MICAL2: variants seen among roughly 807,000 people sequenced by gnomAD.
The protein encoded by MICAL2 is [F-actin]-monooxygenase MICAL2.
In MICAL2, 77 loss-of-function variants were observed where a neutral mutation model predicts 127.3. The ratio of observed to expected loss-of-function variants is 0.60; its 90% CI spans 0.50 to 0.73. The LOEUF (loss-of-function observed/expected upper bound fraction) is 0.73. MICAL2 is among the 30% of genes least tolerant of loss of function. The pLI is 0.00. For synonymous variants in MICAL2, 570 were observed against 551.1 expected (o/e 1.03, Z -0.48); for missense variants, 1,351 against 1,434.4 (o/e 0.94, Z 0.94).
chr11:12,347,296 A>G (rs555985721), intron 32 of MICAL2, among the ~76,000 whole-genome samples: 1 of 152,178 alleles, frequency 6.6e-6, no homozygotes, highest in African/African-American at 2.4e-5. Context: ...CTTTATTGTG[A>G]TTGTTTTCTA....
intron 5 of MICAL2, among the ~76,000 whole-genome samples, chr11:12,208,875 C>T (rs1855070640): frequency 6.6e-6 from 1 of 152,146 alleles, no homozygotes; most frequent in African/African-American, 2.4e-5. Flanking sequence ...TGTCCTCTGC[C>T]CAGATTATTT....
At chr11:12,258,921 G>C (rs1862710976) in intron 25 of MICAL2, among the ~76,000 whole-genome samples, 1 of 152,206 alleles carries the variant, frequency 6.6e-6, no homozygotes, top group Non-Finnish European at 1.5e-5. Context: ...AGAATGCCTG[G>C]TATAGGACCG....
chr11:12,151,509 CCAGTTCT>C (rs1853574537), intron 2 of MICAL2, among the ~76,000 whole-genome samples: 1 of 152,148 alleles, frequency 6.6e-6, no homozygotes, highest in South Asian at 2.1e-4. Flanking sequence ...AGATAAGTTC[CCAGTTCT>C]CAGTGACTTC....
At chr11:12,222,119 G>C (rs1856885920) in intron 10 of MICAL2, among the ~76,000 whole-genome samples, 1 of 152,182 alleles carries the variant, frequency 6.6e-6, no homozygotes, top group African/African-American at 2.4e-5. Flanking sequence ...GTCCTGGATG[G>C]GGGTTGGATT....
chr11:12,191,861 A>G (rs1156577478), intron 3 of MICAL2, among the ~76,000 whole-genome samples: 10 of 152,198 alleles, frequency 6.6e-5, no homozygotes, highest in Non-Finnish European at 1.3e-4. Context: ...GGTGGGGCTG[A>G]GAAGGTATCA....
intron 32 of MICAL2, among the ~76,000 whole-genome samples, chr11:12,330,900 A>ATGTGT (rs1864417836): frequency 8.4e-6 from 1 of 119,348 alleles, no homozygotes; most frequent in Non-Finnish European, 1.8e-5. Context: ...AGAGAGAGAG[A>ATGTGT]GTGTGTGTGT....
At chr11:12,200,542 C>T (rs1185769415) in intron 3 of MICAL2, among the ~76,000 whole-genome samples, 1 of 152,244 alleles carries the variant, frequency 6.6e-6, no homozygotes, top group Non-Finnish European at 1.5e-5. Context: ...CAGAGAAGAC[C>T]TGACTTGGCC....
At chr11:12,176,228 A>G (rs1856826435) in intron 3 of MICAL2, among the ~76,000 whole-genome samples, 1 of 152,176 alleles carries the variant, frequency 6.6e-6, no homozygotes, top group Admixed American at 6.6e-5. Flanking sequence ...ATTCTGATTT[A>G]AAGTCTTTTT....
At chr11:12,309,130 A>G (rs993794951) in intron 29 of MICAL2, among the ~76,000 whole-genome samples, 4 of 152,168 alleles carry the variant, frequency 2.6e-5, no homozygotes, top group African/African-American at 9.7e-5. Context: ...GTCATGATCA[A>G]TCAGTAATTG....
At chr11:12,262,151 AC>A in intron 26 of MICAL2, 2 of 1,193,230 alleles carry the variant, frequency 1.7e-6, no homozygotes, top group Non-Finnish European at 1.0e-6. Flanking sequence ...CCAGGGGTGG[AC>A]CCCCGAGGAT....
At chr11:12,351,831 C>T (rs1462369737) in intron 33 of MICAL2, among the ~76,000 whole-genome samples, 2 of 151,694 alleles carry the variant, frequency 1.3e-5, no homozygotes, top group African/African-American at 4.9e-5. Context: ...CGCTCTTTCA[C>T]CCTGGCTGGA....
At chr11:12,132,270 G>A (rs1030941384) in intron 1 of MICAL2, among the ~76,000 whole-genome samples, 8 of 152,150 alleles carry the variant, frequency 5.3e-5, no homozygotes, top group African/African-American at 1.9e-4. Context: ...CAGCAGGAGT[G>A]CAGGAAATGC....
In MICAL2 at chr11:12,228,157, C is replaced by T. The variant is rs138110563; in HGVS notation, c.1995+1026C>T. Among the ~76,000 whole-genome samples, 1,469 of 152,218 alleles carry T rather than the reference C, an allele frequency of 9.7e-3. 29 individuals carry two copies. Among genetic ancestry groups the T allele is most frequent in the African/African-American group, 0.031 (1,306 of 41,530 alleles). ...CAGCCTGGCCAATATGATGAAACCC[C>T]GTATCTACTAAAAATACAAAAAATT... On this transcript the variant is annotated intron_variant, in intron 15 of 27. Coordinates refer to ENST00000683283, the MANE Select transcript of MICAL2 (RefSeq NM_001282663.2).
At position 12,208,055 on chromosome 11, in the gene MICAL2, G is replaced by A. The variant is rs771355596; in HGVS notation, c.505G>A (p.Val169Met). The change falls in exon 5 of 28, where the codon GTG becomes ATG. Residue 169 changes from valine to methionine, a missense_variant. Coordinates refer to ENST00000683283, the MANE Select transcript of MICAL2 (RefSeq NM_001282663.2). ...IRQLQLILFK[V>M]ALMLGVEIHV... The stretch of plus-strand genomic sequence containing the variant: ...CCAACTACAGCTCATCCTATTCAAG[G>A]TGGCCCTGATGCTGGGAGTTGAAAT... 1.2e-6 allele frequency: 2 copies of A among 1,614,196 alleles called. No individual in the cohort carries two copies. The highest frequency in any genetic ancestry group is 1.1e-5 in the South Asian group (1 of 91,086).
intron 1 of MICAL2, among the ~76,000 whole-genome samples, chr11:12,119,754 G>A (rs1337491999): frequency 2.6e-5 from 4 of 152,164 alleles, no homozygotes; most frequent in African/African-American, 9.7e-5. Context: ...CAGGAGGGAG[G>A]AGGCCACAGA....
At chr11:12,329,598 T>C (rs1245234283) in intron 32 of MICAL2, among the ~76,000 whole-genome samples, 1 of 152,168 alleles carries the variant, frequency 6.6e-6, no homozygotes, top group African/African-American at 2.4e-5. Context: ...TCCTAGATTT[T>C]TTATCTGAAA....
At chr11:12,206,947 A>C in intron 4 of MICAL2, among the ~76,000 whole-genome samples, 1 of 151,960 alleles carries the variant, frequency 6.6e-6, no homozygotes, top group East Asian at 1.9e-4. Flanking sequence ...TTTCCTTGCC[A>C]TAAGGTATTT....
chr11:12,245,262 C>A (rs983848669), intron 21 of MICAL2, among the ~76,000 whole-genome samples: 1 of 151,936 alleles, frequency 6.6e-6, no homozygotes, highest in South Asian at 2.1e-4. Flanking sequence ...ACAGCCAGTG[C>A]GTCTGGCTCC....
At chr11:12,147,677 A>G (rs1853088407) in intron 2 of MICAL2, among the ~76,000 whole-genome samples, 1 of 152,176 alleles carries the variant, frequency 6.6e-6, no homozygotes, top group Non-Finnish European at 1.5e-5. Context: ...CGTCTTCCCC[A>G]TTTTTCAGAA....
Sources: gnomAD v4.1 joint callset for allele counts (sites outside exome capture counted in the v4.1 genomes callset) on GRCh38, gnomAD v4.1.1 for gene constraint, MANE v1.5 for transcripts, NCBI Gene and HGNC (gene_info 2026-07-23, HGNC 2026-07-21) for gene names.